Variants in CDC27 observed in about 807,000 individuals in gnomAD.
The protein encoded by CDC27 is cell division cycle protein 27 homolog.
Under a neutral mutation model 109.7 loss-of-function variants are expected in CDC27, and 27 were observed. That is an observed-to-expected ratio of 0.25 (90% CI 0.18 to 0.34). The LOEUF is 0.34. CDC27 is among the 10% of genes least tolerant of loss of function. CDC27 has a pLI of 1.00. For synonymous variants in CDC27, 266 were observed against 333.9 expected, an observed-to-expected ratio of 0.80 and a Z score of 2.22; for missense variants, 579 against 960.2, an observed-to-expected ratio of 0.60 and a Z score of 5.25.
intron 18 of CDC27, among the ~76,000 whole-genome samples, chr17:47,121,908 T>A (rs1057074945): frequency 1.1e-4 from 16 of 151,884 alleles, no homozygotes; most frequent in Non-Finnish European, 2.4e-4. Context: ...CCCAGCTAAT[T>A]TTTGTATTTT....
chr17:47,159,092 T>C, intron 4 of CDC27: 1 of 260,318 alleles, frequency 3.8e-6, no homozygotes, highest in Admixed American at 5.4e-5. Flanking sequence ...ATTCTGAAAG[T>C]GATTTAAATG....
Position 47,141,363 on chromosome 17 carries a change from T to C in CDC27, c.1551+490A>G, listed in dbSNP as rs1006504587. 2.6e-5 allele frequency among the ~76,000 whole-genome samples: 4 copies of C among 152,272 alleles called. No individual in the cohort carries two copies. The South Asian group carries it at 6.2e-4, about 24-fold the overall frequency. ...TTAATCATTCTCTCCTTTTCTGGTA[T>C]AGACAGATAACTTAAGCAACAAATT... On this transcript the variant is annotated intron_variant, in intron 12 of 18. Transcript: ENST00000066544.
intron 4 of CDC27, among the ~76,000 whole-genome samples, chr17:47,169,339 C>A (rs1213626127): frequency 6.6e-6 from 1 of 151,818 alleles, no homozygotes; most frequent in African/African-American, 2.4e-5. Context: ...ACTCTTTTCA[C>A]CCAAGGTAAA....
Position 47,122,687 on chromosome 17 carries a change from T to C in CDC27, c.2236-87A>G, listed in dbSNP as rs150753357. The C allele has an allele frequency of 4.2e-4, 410 of 981,658 alleles. 6 individuals are homozygous for C. In the East Asian group the frequency reaches 4.6e-3, roughly 11 times the overall value. 60.8% of individuals were successfully genotyped at this position (981,658 alleles called of 1,614,324 possible). On this transcript the variant is annotated intron_variant, in intron 17 of 18. Transcript: ENST00000066544. ...AACTATATATATACTTATTTATTTATTTTTGAGATGGAGTCTCACTCTATT... is the reference window on the plus strand; with the variant it reads ...AACTATATATATACTTATTTATTTACTTTTGAGATGGAGTCTCACTCTATT...
At chr17:47,140,582 G>C (rs1236145352) in intron 12 of CDC27, among the ~76,000 whole-genome samples, 1 of 152,132 alleles carries the variant, frequency 6.6e-6, no homozygotes, top group Non-Finnish European at 1.5e-5. Flanking sequence ...TTGAAACAGA[G>C]GCTTTCTTTA....
chr17:47,139,169 G>A (rs1371246123), intron 12 of CDC27, among the ~76,000 whole-genome samples: 3 of 151,606 alleles, frequency 2.0e-5, no homozygotes, highest in Admixed American at 2.0e-4. Context: ...AAAGACCGAA[G>A]AGAAATCTAT....
intron 2 of CDC27, among the ~76,000 whole-genome samples, chr17:47,175,474 G>A (rs190670322): frequency 2.0e-5 from 3 of 152,220 alleles, no homozygotes; most frequent in Admixed American, 2.0e-4. Context: ...GTGAATTTAA[G>A]GGCATAGAAC....
chr17:47,120,899 T>C lies in CDC27; in HGVS notation c.*36A>G, dbSNP rs756905792. ...GGGACAAGAAACACGTCAGCACTAG[T>C]CACACATCCAGTTGTAAAAGTCTGA... On this transcript the variant is annotated 3_prime_UTR_variant, in exon 19 of 19. Coordinates refer to ENST00000066544, the MANE Select transcript of CDC27 (RefSeq NM_001256.6). 261 of 1,454,802 alleles carry C rather than the reference T, an allele frequency of 1.8e-4. 1 individual carries two copies. The highest frequency in any genetic ancestry group is 7.3e-5 in the Non-Finnish European group (76 of 1,037,830). The allele number at this position is 1,454,802 out of a possible 1,614,324, so 90.1% of individuals were successfully genotyped here.
At chr17:47,149,356 C>T (rs909045798) in intron 9 of CDC27, among the ~76,000 whole-genome samples, 1 of 151,142 alleles carries the variant, frequency 6.6e-6, no homozygotes, top group African/African-American at 2.4e-5. Context: ...ACTAAAAATA[C>T]AAAAATTAGC....
intron 2 of CDC27, among the ~76,000 whole-genome samples, chr17:47,179,272 C>T (rs933933002): frequency 3.3e-5 from 5 of 152,198 alleles, no homozygotes; most frequent in Non-Finnish European, 5.9e-5. Flanking sequence ...GAAACTGCTA[C>T]TAGTGACATA....
chr17:47,185,564 T>A (rs1191475899), intron 1 of CDC27, among the ~76,000 whole-genome samples: 1 of 152,200 alleles, frequency 6.6e-6, no homozygotes, highest in East Asian at 1.9e-4. Flanking sequence ...TTTTATACAT[T>A]TTGTGTTCTT....
intron 16 of CDC27, 59 bp from the exon 17 acceptor site, chr17:47,124,019 GT>G: frequency 8.9e-7 from 1 of 1,118,304 alleles, no homozygotes; most frequent in Non-Finnish European, 1.3e-6. Context: ...TTGACCAAGC[GT>G]TTTTACTTAT....
intron 2 of CDC27, 74 bp downstream of exon 2, chr17:47,181,488 A>T: frequency 2.6e-6 from 2 of 775,350 alleles, no homozygotes; most frequent in Non-Finnish European, 4.4e-6. Flanking sequence ...GAATCTTGTT[A>T]CAGTGATAAA....
chr17:47,125,624 A>G (rs1452466583), intron 16 of CDC27, among the ~76,000 whole-genome samples: 1 of 149,540 alleles, frequency 6.7e-6, no homozygotes, highest in Non-Finnish European at 1.5e-5. Flanking sequence ...GCTCACTGCA[A>G]CTCCCACCTC....
At chr17:47,165,652 A>C (rs1231494793) in intron 4 of CDC27, among the ~76,000 whole-genome samples, 1 of 152,150 alleles carries the variant, frequency 6.6e-6, no homozygotes, top group African/African-American at 2.4e-5. Context: ...TTGCCAAGCA[A>C]AGAGTTTTAA....
chr17:47,185,710 T>G (rs1024391316), intron 1 of CDC27, among the ~76,000 whole-genome samples: 2 of 152,170 alleles, frequency 1.3e-5, no homozygotes, highest in African/African-American at 4.8e-5. Context: ...TCAGCTGCCC[T>G]TTTTTAAAAA....
At chr17:47,129,712 CTTCTAA>C (rs2062260742) in intron 15 of CDC27, among the ~76,000 whole-genome samples, 191 bp from the exon 16 acceptor site, 1 of 152,150 alleles carries the variant, frequency 6.6e-6, no homozygotes, top group African/African-American at 2.4e-5. Flanking sequence ...TCTAAAATCA[CTTCTAA>C]TTCTAGTTCA....
intron 16 of CDC27, among the ~76,000 whole-genome samples, chr17:47,124,178 A>ACACAC (rs2062059213): frequency 2.1e-5 from 3 of 144,500 alleles, no homozygotes; most frequent in East Asian, 2.0e-4. Context: ...GTACACTGAA[A>ACACAC]ACACACACAC....
intron 4 of CDC27, among the ~76,000 whole-genome samples, chr17:47,162,565 G>A (rs2063528281): frequency 6.6e-6 from 1 of 152,086 alleles, no homozygotes; most frequent in African/African-American, 2.4e-5. Context: ...TTTAAAAGTT[G>A]CATTAGTGAA....
Sources: allele counts gnomAD v4.1 joint callset (sites outside exome capture counted in the v4.1 genomes callset), GRCh38; gene constraint gnomAD v4.1.1; transcripts MANE v1.5; gene names NCBI Gene and HGNC (gene_info 2026-07-23, HGNC 2026-07-21).